The following VPS54 variants were observed in gnomAD, a reference collection of about 807,000 sequenced individuals.
VPS54 encodes the protein vacuolar protein sorting-associated protein 54.
A neutral mutation model predicts 121.5 loss-of-function variants in VPS54; 45 were observed. The observed-to-expected ratio is 0.37, with a 90% CI of 0.29 to 0.47. The LOEUF (loss-of-function observed/expected upper bound fraction) is 0.47. Ranked by LOEUF, VPS54 falls within the 20% of genes least tolerant of loss-of-function variation. The probability of loss-of-function intolerance (pLI) is 0.99; values close to 1 mark genes in which losing one functional copy is unlikely to be tolerated. For synonymous variants in VPS54, 371 were observed against 385.8 expected (o/e 0.96, Z 0.45); for missense variants, 1,090 against 1,131.4 (o/e 0.96, Z 0.52).
chr2:63,965,218 C>T (rs567323983), intron 6 of VPS54, among the ~76,000 whole-genome samples: 2 of 152,168 alleles, frequency 1.3e-5, no homozygotes, highest in East Asian at 1.9e-4. Flanking sequence ...GGCTCACATC[C>T]GTAATCTCAG....
chr2:63,900,941 T>C (rs1672657076), intron 20 of VPS54, among the ~76,000 whole-genome samples: 2 of 152,226 alleles, frequency 1.3e-5, no homozygotes, highest in Admixed American at 6.5e-5. Flanking sequence ...TTTTTGTTTT[T>C]AGTAGAGACA....
At chr2:63,935,806 C>G (rs929760285) in intron 11 of VPS54, among the ~76,000 whole-genome samples, 2 of 152,136 alleles carry the variant, frequency 1.3e-5, no homozygotes, top group African/African-American at 4.8e-5. Flanking sequence ...CTGGTTCAAT[C>G]AATTAAAGCC....
intron 18 of VPS54, 54 bp from the exon 19 acceptor site, chr2:63,912,715 T>G: frequency 6.6e-7 from 1 of 1,520,984 alleles, no homozygotes; most frequent in Non-Finnish European, 8.8e-7. Context: ...AAAAAGGTAT[T>G]AGTTGATTTT....
At chr2:63,948,431 T>G (rs1675091433) in intron 8 of VPS54, among the ~76,000 whole-genome samples, 1 of 150,598 alleles carries the variant, frequency 6.6e-6, no homozygotes, top group African/African-American at 2.4e-5. Flanking sequence ...TTTTTTTTTT[T>G]TTTTGAGACA....
intron 1 of VPS54, among the ~76,000 whole-genome samples, chr2:63,998,474 C>T (rs573705035): frequency 1.3e-5 from 2 of 152,176 alleles, no homozygotes; most frequent in Middle Eastern, 3.4e-3. Flanking sequence ...GTTTCGTAGT[C>T]TTCTCTTCCT....
chr2:63,910,121 A>G (rs1364517628), intron 20 of VPS54, among the ~76,000 whole-genome samples: 1 of 152,242 alleles, frequency 6.6e-6, no homozygotes, highest in Non-Finnish European at 1.5e-5. Context: ...TTAAAAACTG[A>G]AAGGCAAACC....
At chr2:63,912,759 T>A in intron 18 of VPS54, 98 bp from the exon 19 acceptor site, 2 of 1,428,490 alleles carry the variant, frequency 1.4e-6, no homozygotes, top group Non-Finnish European at 1.9e-6. Flanking sequence ...AAACATCACT[T>A]ATAAAGAACC....
intron 1 of VPS54, among the ~76,000 whole-genome samples, chr2:63,997,549 C>A (rs1267468059): frequency 6.6e-6 from 1 of 152,106 alleles, no homozygotes; most frequent in African/African-American, 2.4e-5. Flanking sequence ...TTAGCATCTC[C>A]TTTTTTCATC....
chr2:64,005,522 G>A (rs1340076140), intron 1 of VPS54, among the ~76,000 whole-genome samples: 1 of 152,156 alleles, frequency 6.6e-6, no homozygotes, highest in Non-Finnish European at 1.5e-5. Flanking sequence ...GATTTCTATT[G>A]GTGACAAAGC....
chr2:63,902,632 G>A (rs962492011), intron 20 of VPS54, among the ~76,000 whole-genome samples: 1 of 152,126 alleles, frequency 6.6e-6, no homozygotes, highest in African/African-American at 2.4e-5. Context: ...GAACCAGACT[G>A]AGAGAGAATC....
At chr2:63,960,001 C>A (rs1225324531) in intron 7 of VPS54, among the ~76,000 whole-genome samples, 1 of 151,954 alleles carries the variant, frequency 6.6e-6, no homozygotes, top group Non-Finnish European at 1.5e-5. Context: ...GCCTGGGCAA[C>A]AGAGCTAGAC....
intron 3 of VPS54, among the ~76,000 whole-genome samples, chr2:63,977,850 A>G (rs530596492): frequency 6.6e-6 from 1 of 152,356 alleles, no homozygotes; most frequent in East Asian, 1.9e-4. Flanking sequence ...TATCTGGCTA[A>G]GAGTTAGGCT....
At position 63,971,122 on chromosome 2, in the gene VPS54, G is replaced by T. The variant is rs76267761; in HGVS notation, c.457+1044C>A. ...CTGGGAATTGTCCTTGAATCATTTT[G>T]CTCCATTACCAATAACTGGCCACCA... is the stretch of plus-strand genomic sequence containing the variant. On this transcript the variant is annotated intron_variant, in intron 4 of 22. Coordinates refer to ENST00000272322, the MANE Select transcript of VPS54 (RefSeq NM_016516.3). Among the ~76,000 whole-genome samples, 78 of 152,186 alleles carry T rather than the reference G, an allele frequency of 5.1e-4. No individual in the cohort carries two copies. In the East Asian group the frequency reaches 0.014, roughly 28 times the overall value.
At chr2:63,991,382 T>C (rs1355518135) in intron 1 of VPS54, among the ~76,000 whole-genome samples, 1 of 152,106 alleles carries the variant, frequency 6.6e-6, no homozygotes, top group Non-Finnish European at 1.5e-5. Context: ...ATGACAAAAT[T>C]TACCTGATCA....
chr2:64,014,792 C>A (rs1246114983), intron 1 of VPS54, among the ~76,000 whole-genome samples: 1 of 144,036 alleles, frequency 6.9e-6, no homozygotes, highest in Non-Finnish European at 1.6e-5. Flanking sequence ...TATCACTACC[C>A]CTATTTTATA....
At chr2:64,015,233 A>T (rs1678625797) in intron 1 of VPS54, among the ~76,000 whole-genome samples, 1 of 152,222 alleles carries the variant, frequency 6.6e-6, no homozygotes, top group South Asian at 2.1e-4. Context: ...AATTTGCAGT[A>T]AATTAAGTCT....
At chr2:63,955,664 A>C (rs566753991) in intron 7 of VPS54, among the ~76,000 whole-genome samples, 18 of 152,006 alleles carry the variant, frequency 1.2e-4, no homozygotes, top group Non-Finnish European at 1.9e-4. Flanking sequence ...CTAACACCAA[A>C]CAGTACTTAT....
At chr2:63,956,342 A>T (rs542152929) in intron 7 of VPS54, among the ~76,000 whole-genome samples, 12 of 152,292 alleles carry the variant, frequency 7.9e-5, no homozygotes, top group Admixed American at 2.0e-4. Flanking sequence ...AAATCATAAT[A>T]AACTGGAATC....
At chr2:63,959,685 G>A (rs921847240) in intron 7 of VPS54, among the ~76,000 whole-genome samples, 4 of 152,050 alleles carry the variant, frequency 2.6e-5, no homozygotes, top group African/African-American at 7.2e-5. Context: ...TCAGGAGTTC[G>A]AGACCAGCCT....
Sources: allele counts gnomAD v4.1 joint callset (sites outside exome capture counted in the v4.1 genomes callset), GRCh38; gene constraint gnomAD v4.1.1; transcripts MANE v1.5; gene names NCBI Gene and HGNC (gene_info 2026-07-23, HGNC 2026-07-21).